Variants in SGCZ observed in about 807,000 individuals in gnomAD.
SGCZ encodes the protein zeta-sarcoglycan.
A neutral mutation model predicts 41.3 loss-of-function variants in SGCZ; 40 were observed. The observed-to-expected ratio is 0.97, with a 90% CI of 0.75 to 1.26. The LOEUF (loss-of-function observed/expected upper bound fraction) is 1.26. Ranked by LOEUF, SGCZ falls within the 50% of genes most tolerant of loss-of-function variation. The probability of loss-of-function intolerance (pLI) is 0.00; values close to 1 mark genes in which losing one functional copy is unlikely to be tolerated. For missense variants in SGCZ, 552 were observed against 369.8 expected (o/e 1.49, Z -4.04); for synonymous variants, 206 against 137.5 (o/e 1.50, Z -3.49).
intron 5 of SGCZ, among the ~76,000 whole-genome samples, chr8:14,132,635 T>C (rs967458876): frequency 6.6e-6 from 1 of 152,214 alleles, no homozygotes; most frequent in Non-Finnish European, 1.5e-5. Context: ...TAAATCGCTA[T>C]TTTAAACTCT....
At chr8:14,368,300 T>C (rs144506218) in intron 2 of SGCZ, among the ~76,000 whole-genome samples, 461 of 152,212 alleles carry the variant, frequency 3.0e-3, no homozygotes, top group African/African-American at 9.6e-3. Context: ...CTGGGCATCA[T>C]ACAGCTGTTT....
intron 2 of SGCZ, among the ~76,000 whole-genome samples, chr8:14,404,059 G>T (rs1799147682): frequency 6.6e-6 from 1 of 152,090 alleles, no homozygotes. Flanking sequence ...TATCTTACCT[G>T]AGTATCACGA....
At chr8:14,753,317 A>G (rs1799557561) in intron 1 of SGCZ, among the ~76,000 whole-genome samples, 1 of 152,200 alleles carries the variant, frequency 6.6e-6, no homozygotes, top group African/African-American at 2.4e-5. Flanking sequence ...CCACAGGTTC[A>G]AACTTATATG....
chr8:14,698,855 T>G (rs1400979683), intron 1 of SGCZ, among the ~76,000 whole-genome samples: 1 of 151,934 alleles, frequency 6.6e-6, no homozygotes, highest in Non-Finnish European at 1.5e-5. Flanking sequence ...TGTGAACACA[T>G]GTCTCCTCAT....
chr8:14,119,879 T>C (rs1802645299), intron 5 of SGCZ, among the ~76,000 whole-genome samples: 1 of 152,242 alleles, frequency 6.6e-6, no homozygotes, highest in Non-Finnish European at 1.5e-5. Flanking sequence ...GATTTCCGTA[T>C]GTTGAACCAG....
chr8:14,166,952 G>C lies in SGCZ; in HGVS notation c.425-2250C>G, dbSNP rs141114707. Among the ~76,000 whole-genome samples the C allele has an allele frequency of 4.0e-3, 608 of 152,158 alleles. 3 individuals carry two copies. Among genetic ancestry groups the C allele is most frequent in the African/African-American group, 0.013 (527 of 41,524 alleles). ...CATGCAGAGTCATCTAATTGAAAAAGAGATATAAAAATTCATACTGCAGAC... is the reference window on the plus strand; with the variant it reads ...CATGCAGAGTCATCTAATTGAAAAACAGATATAAAAATTCATACTGCAGAC... On this transcript the variant is annotated intron_variant, in intron 4 of 7. Transcript: ENST00000382080.
chr8:14,405,920 G>A (rs1799200735), intron 2 of SGCZ, among the ~76,000 whole-genome samples: 1 of 152,044 alleles, frequency 6.6e-6, no homozygotes, highest in African/African-American at 2.4e-5. Context: ...TTAAATGGAG[G>A]TGCAAGCAAA....
At chr8:15,009,372 A>G (rs1158557311) in intron 1 of SGCZ, among the ~76,000 whole-genome samples, 3 of 25,200 alleles carry the variant, frequency 1.2e-4, no homozygotes, top group Admixed American at 1.0e-3. Context: ...CCATGACCCA[A>G]TCATCTCCCG....
chr8:14,565,554 G>A (rs959195924), intron 1 of SGCZ, among the ~76,000 whole-genome samples: 4 of 152,136 alleles, frequency 2.6e-5, no homozygotes, highest in Non-Finnish European at 5.9e-5. Context: ...ACACTCATTG[G>A]TGAGTCCTGC....
chr8:14,456,461 T>C (rs1246787369), intron 2 of SGCZ, among the ~76,000 whole-genome samples: 1 of 152,062 alleles, frequency 6.6e-6, no homozygotes, highest in African/African-American at 2.4e-5. Context: ...TCATGACATG[T>C]AGATCATATA....
intron 1 of SGCZ, among the ~76,000 whole-genome samples, chr8:14,820,670 G>C (rs1329387626): frequency 6.6e-6 from 1 of 151,864 alleles, no homozygotes; most frequent in East Asian, 1.9e-4. Context: ...TGTAAAACTA[G>C]AAGTCAACAA....
chr8:15,156,836 T>G (rs1358056718), intron 1 of SGCZ, among the ~76,000 whole-genome samples: 1 of 150,614 alleles, frequency 6.6e-6, no homozygotes, highest in Non-Finnish European at 1.5e-5. Context: ...TCCCAGCTAC[T>G]CAGGAGGCTG....
chr8:14,257,332 G>C (rs1799500409), intron 3 of SGCZ, among the ~76,000 whole-genome samples: 1 of 149,590 alleles, frequency 6.7e-6, no homozygotes, highest in South Asian at 2.1e-4. Flanking sequence ...GGGCAATGGA[G>C]TGAGACCCTG....
At chr8:14,216,142 G>C (rs1006617445) in intron 4 of SGCZ, among the ~76,000 whole-genome samples, 1 of 152,196 alleles carries the variant, frequency 6.6e-6, no homozygotes, top group East Asian at 1.9e-4. Flanking sequence ...AATGATTAAA[G>C]GCCAGATTCC....
chr8:15,068,242 A>G (rs1440782325), intron 1 of SGCZ, among the ~76,000 whole-genome samples: 1 of 152,198 alleles, frequency 6.6e-6, no homozygotes, highest in Non-Finnish European at 1.5e-5. Context: ...TCATTGTGAT[A>G]CTCATCCTTT....
intron 2 of SGCZ, among the ~76,000 whole-genome samples, chr8:14,508,792 A>G (rs1402383017): frequency 1.3e-5 from 2 of 152,214 alleles, no homozygotes; most frequent in Non-Finnish European, 2.9e-5. Context: ...TATGTGAAGA[A>G]TATTCTTCAA....
chr8:14,604,452 A>G (rs1292933983), intron 1 of SGCZ, among the ~76,000 whole-genome samples: 2 of 152,158 alleles, frequency 1.3e-5, no homozygotes, highest in African/African-American at 4.8e-5. Flanking sequence ...TAGAGCTTGA[A>G]ATATGTATTC....
intron 5 of SGCZ, among the ~76,000 whole-genome samples, chr8:14,163,950 A>G (rs1804128570): frequency 6.6e-6 from 1 of 152,160 alleles, no homozygotes; most frequent in South Asian, 2.1e-4. Flanking sequence ...ATGGTTGTGA[A>G]TCAAGTAATT....
At chr8:14,644,176 A>G (rs189382161) in intron 1 of SGCZ, among the ~76,000 whole-genome samples, 36 of 151,832 alleles carry the variant, frequency 2.4e-4, no homozygotes, top group Non-Finnish European at 4.9e-4. Context: ...TTAGTCAAGC[A>G]CCCATCTAGA....
Sources: gnomAD v4.1 joint callset for allele counts (sites outside exome capture counted in the v4.1 genomes callset) on GRCh38, gnomAD v4.1.1 for gene constraint, MANE v1.5 for transcripts, NCBI Gene and HGNC (gene_info 2026-07-23, HGNC 2026-07-21) for gene names.